Variants in GALNT11 observed in about 807,000 individuals in gnomAD.
GALNT11 encodes the protein UDP-GalNAc:polypeptide N-acetylgalactosaminyltransferase 11.
Under a neutral mutation model 72.7 loss-of-function variants are expected in GALNT11, and 47 were observed. The ratio of observed to expected loss-of-function variants is 0.65; its 90% confidence interval spans 0.51 to 0.82. GALNT11 has a LOEUF of 0.82. Among genes scored for constraint, GALNT11 ranks in the 40% least tolerant of loss-of-function variants. The pLI, the probability that GALNT11 is intolerant of heterozygous loss-of-function variation, is 0.00. For synonymous variants in GALNT11, 270 were observed against 286.6 expected (o/e 0.94, Z 0.58); for missense variants, 677 against 778.4 (o/e 0.87, Z 1.55).
chr7:152,110,466 C>A, intron 6 of GALNT11, 62 bp from the exon 7 acceptor site: 1 of 1,183,374 alleles, frequency 8.5e-7, no homozygotes, highest in Non-Finnish European at 1.2e-6. Flanking sequence ...GTATTTTAAA[C>A]AAAAGTAGTA....
At chr7:152,077,088 C>CA (rs1392331616) in intron 1 of GALNT11, among the ~76,000 whole-genome samples, 1 of 151,372 alleles carries the variant, frequency 6.6e-6, no homozygotes, top group Admixed American at 6.6e-5. Context: ...GACCTTGTCT[C>CA]AAAAAAAAGG....
intron 1 of GALNT11, among the ~76,000 whole-genome samples, chr7:152,093,700 A>G (rs898658924): frequency 6.6e-6 from 1 of 152,128 alleles, no homozygotes; most frequent in Non-Finnish European, 1.5e-5. Context: ...AAGTGCTGGG[A>G]TTACAATCAT....
chr7:152,045,343 A>T (rs1448590487), intron 1 of GALNT11, among the ~76,000 whole-genome samples: 1 of 152,036 alleles, frequency 6.6e-6, no homozygotes, highest in Non-Finnish European at 1.5e-5. Flanking sequence ...GTTTTTCTGG[A>T]ATAGTTTCGG....
At chr7:152,052,840 A>G (rs1007915121) in intron 1 of GALNT11, among the ~76,000 whole-genome samples, 1 of 152,168 alleles carries the variant, frequency 6.6e-6, no homozygotes, top group African/African-American at 2.4e-5. Context: ...GCATTTCCAT[A>G]TCAGTGTTCT....
At chr7:152,042,923 G>C (rs2082936241) in intron 1 of GALNT11, among the ~76,000 whole-genome samples, 1 of 152,190 alleles carries the variant, frequency 6.6e-6, no homozygotes, top group Admixed American at 6.5e-5. Flanking sequence ...GGCCAGTGCT[G>C]TAGAGAAAGG....
chr7:152,113,235 C>T lies in GALNT11; in HGVS notation c.1081-11C>T. The T allele has an allele frequency of 6.3e-7, 1 of 1,599,654 alleles. No individual in the cohort carries two copies. Among genetic ancestry groups the T allele is most frequent in the African/African-American group, 1.3e-5 (1 of 74,154 alleles). ...AGGCAACTGTTAACACCTGTTTTTG[C>T]TTCTGGCCAGATCTGGATGTGTGGC... On this transcript the variant is annotated splice_polypyrimidine_tract_variant and intron_variant, in intron 7 of 11. Coordinates refer to ENST00000430044, the MANE Select transcript of GALNT11 (RefSeq NM_022087.4).
intron 7 of GALNT11, among the ~76,000 whole-genome samples, chr7:152,111,641 T>C (rs889306985): frequency 2.7e-5 from 4 of 147,630 alleles, no homozygotes; most frequent in Non-Finnish European, 5.9e-5. Context: ...TATATATATA[T>C]ATATTTTTTT....
At chr7:152,086,486 T>G (rs1265831231) in intron 1 of GALNT11, among the ~76,000 whole-genome samples, 1 of 152,212 alleles carries the variant, frequency 6.6e-6, no homozygotes. Flanking sequence ...AGAATTATAA[T>G]ATGGTTTGGG....
intron 1 of GALNT11, among the ~76,000 whole-genome samples, 172 bp downstream of exon 1, chr7:152,026,056 A>T (rs1388507311): frequency 2.0e-5 from 3 of 151,544 alleles, no homozygotes; most frequent in African/African-American, 7.3e-5. Flanking sequence ...TCTCCGGGAG[A>T]CGCCGCTGCC....
At chr7:152,111,166 T>C (rs559464144) in intron 7 of GALNT11, among the ~76,000 whole-genome samples, 1 of 152,044 alleles carries the variant, frequency 6.6e-6, no homozygotes, top group East Asian at 1.9e-4. Context: ...ATTTATTTTT[T>C]TGAGACAGGG....
chr7:152,097,002 A>G (rs2086434021), intron 2 of GALNT11, among the ~76,000 whole-genome samples: 1 of 151,944 alleles, frequency 6.6e-6, no homozygotes, highest in African/African-American at 2.4e-5. Context: ...TAATTTTTGT[A>G]TATTTTGTAG....
At chr7:152,085,183 C>G (rs932546719) in intron 1 of GALNT11, among the ~76,000 whole-genome samples, 3 of 152,168 alleles carry the variant, frequency 2.0e-5, no homozygotes, top group Admixed American at 6.5e-5. Context: ...CATTCCTGTA[C>G]TGTTGTACCT....
intron 1 of GALNT11, among the ~76,000 whole-genome samples, chr7:152,040,498 C>G (rs2082804781): frequency 6.6e-6 from 1 of 152,186 alleles, no homozygotes; most frequent in African/African-American, 2.4e-5. Context: ...AAGTGTCTAG[C>G]ATTAGATATT....
chr7:152,103,371 GT>G, intron 4 of GALNT11, 93 bp downstream of exon 4: 1 of 1,317,728 alleles, frequency 7.6e-7, no homozygotes, highest in Non-Finnish European at 1.1e-6. Flanking sequence ...CAAGTACGTG[GT>G]AGGTGGGGAT....
At chr7:152,090,710 T>A (rs1422581156) in intron 1 of GALNT11, among the ~76,000 whole-genome samples, 2 of 140,150 alleles carry the variant, frequency 1.4e-5, no homozygotes, top group African/African-American at 2.6e-5. Context: ...CACTATTCAG[T>A]TTACGTCTTG....
chr7:152,056,452 G>C (rs565509396), intron 1 of GALNT11, among the ~76,000 whole-genome samples: 12 of 152,162 alleles, frequency 7.9e-5, no homozygotes, highest in Non-Finnish European at 1.6e-4. Context: ...CACTGGAGTA[G>C]AGTATAGAAA....
At chr7:152,068,311 A>G (rs1381116611) in intron 1 of GALNT11, among the ~76,000 whole-genome samples, 1 of 152,214 alleles carries the variant, frequency 6.6e-6, no homozygotes, top group Non-Finnish European at 1.5e-5. Flanking sequence ...TCATTTAGCA[A>G]TATGCATTTC....
At chr7:152,067,980 A>G (rs754748836) in intron 1 of GALNT11, among the ~76,000 whole-genome samples, 15 of 152,012 alleles carry the variant, frequency 9.9e-5, no homozygotes, top group Non-Finnish European at 2.1e-4. Context: ...GGTGCCACAT[A>G]CTTTTAAATG....
chr7:152,040,972 G>A (rs957849664), intron 1 of GALNT11, among the ~76,000 whole-genome samples: 2 of 152,092 alleles, frequency 1.3e-5, no homozygotes, highest in African/African-American at 4.8e-5. Context: ...GTTTTCTTCC[G>A]CCATCTGTGG....
Sources: gnomAD v4.1 joint callset for allele counts (sites outside exome capture counted in the v4.1 genomes callset) on GRCh38, gnomAD v4.1.1 for gene constraint, MANE v1.5 for transcripts, NCBI Gene and HGNC (gene_info 2026-07-23, HGNC 2026-07-21) for gene names.